NFKB1: variants seen among roughly 807,000 people sequenced by gnomAD.
NFKB1 encodes nuclear factor kappa B subunit 1.
In NFKB1, 9 loss-of-function variants were observed where a neutral mutation model predicts 105.1. That is an observed-to-expected ratio of 0.09 (90% CI 0.05 to 0.15). NFKB1 has a LOEUF of 0.15. Among genes scored for constraint, NFKB1 ranks in the 10% least tolerant of loss-of-function variants. The probability of loss-of-function intolerance (pLI) is 1.00; values close to 1 mark genes in which losing one functional copy is unlikely to be tolerated. For missense variants in NFKB1, 830 were observed against 1,203.7 expected, an observed-to-expected ratio of 0.69 and a Z score of 4.59; for synonymous variants, 440 against 442.2, an observed-to-expected ratio of 1.00 and a Z score of 0.06.
At chr4:102,508,523 G>A (rs568582895) in intron 1 of NFKB1, among the ~76,000 whole-genome samples, 1 of 152,118 alleles carries the variant, frequency 6.6e-6, no homozygotes, top group African/African-American at 2.4e-5. Context: ...TAGGAAATAG[G>A]AAAAAAATTT....
At chr4:102,566,281 A>T (rs1578770176) in intron 5 of NFKB1, among the ~76,000 whole-genome samples, 1 of 152,328 alleles carries the variant, frequency 6.6e-6, no homozygotes, top group East Asian at 1.9e-4. Flanking sequence ...CTCTAATTTT[A>T]TCAAGCAACA....
intron 5 of NFKB1, among the ~76,000 whole-genome samples, chr4:102,546,831 C>T (rs1276986222): frequency 6.6e-6 from 1 of 152,174 alleles, no homozygotes; most frequent in African/African-American, 2.4e-5. Flanking sequence ...AGTTGCCTGT[C>T]TCAGCCTAGG....
At chr4:102,607,587 G>C in intron 18 of NFKB1, 62 bp from the exon 19 acceptor site, 1 of 1,518,218 alleles carries the variant, frequency 6.6e-7, no homozygotes, top group Non-Finnish European at 9.1e-7. Context: ...CACACTGGGA[G>C]GTGGGGACAA....
chr4:102,508,712 A>G (rs1293677755), intron 1 of NFKB1, among the ~76,000 whole-genome samples: 2 of 152,140 alleles, frequency 1.3e-5, no homozygotes, highest in Non-Finnish European at 2.9e-5. Context: ...TCGTTTGTAT[A>G]TGTGTATGTG....
intron 11 of NFKB1, among the ~76,000 whole-genome samples, chr4:102,588,528 T>C (rs778177072): frequency 2.0e-5 from 3 of 152,112 alleles, no homozygotes; most frequent in Non-Finnish European, 4.4e-5. Context: ...AATCTTTAAA[T>C]TATGAAAGGT....
At chr4:102,522,574 C>T (rs1290635437) in intron 1 of NFKB1, among the ~76,000 whole-genome samples, 3 of 152,124 alleles carry the variant, frequency 2.0e-5, no homozygotes, top group South Asian at 2.1e-4. Context: ...AAGTAGGTTT[C>T]GTTTGAATTT....
rs146250492 is a variant in NFKB1, at chr4:102,592,793, CTCT to C, written c.1067-627_1067-625del. ...GCACCCTGTGTACATCTTCTTTTTC[CTCT>C]TCTTATATAAAACTGATTCTGAGAA... On this transcript the variant is annotated intron_variant, in intron 11 of 23. Coordinates refer to ENST00000226574, the MANE Select transcript of NFKB1 (RefSeq NM_003998.4). Among the ~76,000 whole-genome samples, 60 of 152,190 alleles carry C rather than the reference CTCT, an allele frequency of 3.9e-4. No homozygotes were observed. In the East Asian group the frequency reaches 0.011, roughly 28 times the overall value.
At chr4:102,591,540 A>C (rs1308872778) in intron 11 of NFKB1, among the ~76,000 whole-genome samples, 5 of 152,202 alleles carry the variant, frequency 3.3e-5, no homozygotes, top group African/African-American at 9.7e-5. Flanking sequence ...AATTATGCCA[A>C]ATCTTCTCTG....
At chr4:102,606,992 A>G (rs1183091538) in intron 17 of NFKB1, among the ~76,000 whole-genome samples, 158 bp from the exon 18 acceptor site, 1 of 152,234 alleles carries the variant, frequency 6.6e-6, no homozygotes, top group African/African-American at 2.4e-5. Context: ...CTGAGAACAT[A>G]ATAGGAGACT....
At chr4:102,518,231 G>A (rs1740331427) in intron 1 of NFKB1, among the ~76,000 whole-genome samples, 1 of 152,002 alleles carries the variant, frequency 6.6e-6, no homozygotes, top group African/African-American at 2.4e-5. Context: ...AGAGGTGAAG[G>A]GATTTAAAAC....
intron 1 of NFKB1, among the ~76,000 whole-genome samples, chr4:102,509,739 GCTTT>G (rs1180242196): frequency 2.6e-5 from 4 of 152,096 alleles, no homozygotes; most frequent in Non-Finnish European, 5.9e-5. Context: ...TATACATTCA[GCTTT>G]CTTCTTCAGT....
intron 16 of NFKB1, 114 bp from the exon 17 acceptor site, chr4:102,606,382 T>G: frequency 5.3e-5 from 52 of 975,696 alleles, no homozygotes; most frequent in Middle Eastern, 3.3e-4. Context: ...AATCTGGGAA[T>G]GAGAAATATT....
chr4:102,538,254 C>A (rs182119901), intron 5 of NFKB1, among the ~76,000 whole-genome samples: 108 of 152,212 alleles, frequency 7.1e-4, no homozygotes, highest in Non-Finnish European at 1.3e-3. Flanking sequence ...TTTAGTAAGT[C>A]TTTGAAAGAA....
In NFKB1 at chr4:102,580,284, C is replaced by G. The variant is rs527363646; in HGVS notation, c.731-251C>G. Among the ~76,000 whole-genome samples, 14 of 152,284 alleles carry G rather than the reference C, an allele frequency of 9.2e-5. No individual in the cohort carries two copies. The East Asian group carries it at 2.5e-3, about 27-fold the overall frequency. ...GCTCTTTCTCTTTTTGTGTCAGTCT[C>G]TCTGTGTTAGAGGGAGAAACAAATA... On this transcript the variant is annotated intron_variant, in intron 8 of 23. Coordinates refer to ENST00000226574, the MANE Select transcript of NFKB1 (RefSeq NM_003998.4).
chr4:102,575,385 T>C (rs376275752), intron 6 of NFKB1, among the ~76,000 whole-genome samples: 8 of 152,328 alleles, frequency 5.3e-5, no homozygotes, highest in African/African-American at 1.9e-4. Context: ...CCTTAGCTTG[T>C]TCATTCTTTC....
intron 17 of NFKB1, 124 bp downstream of exon 17, chr4:102,606,821 A>C: frequency 9.6e-7 from 1 of 1,045,820 alleles, no homozygotes; most frequent in Non-Finnish European, 1.4e-6. Context: ...CCTGGAGTTC[A>C]TCATCTCTTT....
intron 5 of NFKB1, among the ~76,000 whole-genome samples, chr4:102,552,142 G>C (rs1722667172): frequency 6.6e-6 from 1 of 152,158 alleles, no homozygotes; most frequent in East Asian, 1.9e-4. Context: ...GTGTAGTACT[G>C]CTGGGCACCA....
chr4:102,554,500 T>C (rs1722839749), intron 5 of NFKB1, among the ~76,000 whole-genome samples: 1 of 152,214 alleles, frequency 6.6e-6, no homozygotes, highest in Non-Finnish European at 1.5e-5. Context: ...CTCTATAAAC[T>C]GTGCTGTCAT....
At chr4:102,549,067 A>G (rs1480417577) in intron 5 of NFKB1, among the ~76,000 whole-genome samples, 1 of 152,162 alleles carries the variant, frequency 6.6e-6, no homozygotes, top group Non-Finnish European at 1.5e-5. Context: ...TCAGCCTGAT[A>G]ATACACTCCG....
Sources: gnomAD v4.1 joint callset for allele counts (sites outside exome capture counted in the v4.1 genomes callset) on GRCh38, gnomAD v4.1.1 for gene constraint, MANE v1.5 for transcripts, NCBI Gene and HGNC (gene_info 2026-07-23, HGNC 2026-07-21) for gene names.